NBEAL1: variants seen among roughly 807,000 people sequenced by gnomAD.
NBEAL1 encodes neurobeachin-like protein 1.
NBEAL1 carries 273 observed loss-of-function variants against 351.3 expected under a neutral mutation model. The ratio of observed to expected loss-of-function variants is 0.78; its 90% CI spans 0.70 to 0.86. NBEAL1 has a LOEUF of 0.86. NBEAL1 is among the 40% of genes least tolerant of loss of function. The pLI, the probability that NBEAL1 is intolerant of heterozygous loss-of-function variation, is 0.00. For synonymous variants in NBEAL1, 1,050 were observed against 1,086.4 expected, an observed-to-expected ratio of 0.97 and a Z score of 0.66; for missense variants, 2,961 against 3,201.3, an observed-to-expected ratio of 0.92 and a Z score of 1.81.
chr2:203,179,884 C>T (rs1421275478), intron 42 of NBEAL1, among the ~76,000 whole-genome samples: 1 of 152,128 alleles, frequency 6.6e-6, no homozygotes, highest in Non-Finnish European at 1.5e-5. Flanking sequence ...AGCAGTTCTC[C>T]TGGCTCAGCC....
chr2:203,019,270 GTTATT>G (rs755131081), intron 2 of NBEAL1, among the ~76,000 whole-genome samples: 2 of 152,104 alleles, frequency 1.3e-5, no homozygotes, highest in African/African-American at 4.8e-5. Flanking sequence ...GCCTATATGT[GTTATT>G]TTATTAGGAT....
chr2:203,183,077 A>G (rs1296160138), intron 43 of NBEAL1: 1 of 349,380 alleles, frequency 2.9e-6, no homozygotes, highest in Non-Finnish European at 5.1e-6. Context: ...TAACAACTTA[A>G]TTCTTACTCT....
intron 36 of NBEAL1, among the ~76,000 whole-genome samples, chr2:203,163,732 AT>A (rs1475536658): frequency 6.6e-6 from 1 of 152,100 alleles, no homozygotes; most frequent in East Asian, 1.9e-4. Flanking sequence ...GTAGTTCATT[AT>A]TTTTTATTGA....
intron 47 of NBEAL1, among the ~76,000 whole-genome samples, chr2:203,195,757 AT>A (rs1481347133): frequency 6.6e-6 from 1 of 152,174 alleles, no homozygotes; most frequent in Non-Finnish European, 1.5e-5. Context: ...GTGGAAACAC[AT>A]TTTTTTGTCG....
chr2:203,030,072 A>G (rs1187395487), intron 2 of NBEAL1, among the ~76,000 whole-genome samples: 1 of 152,232 alleles, frequency 6.6e-6, no homozygotes, highest in Non-Finnish European at 1.5e-5. Flanking sequence ...TAGTAGCTTA[A>G]TAGTTACAGA....
At chr2:203,090,445 G>A (rs2062041604) in intron 10 of NBEAL1, among the ~76,000 whole-genome samples, 2 of 152,226 alleles carry the variant, frequency 1.3e-5, no homozygotes, top group South Asian at 4.1e-4. Flanking sequence ...AGAGCATCCA[G>A]TAGAAGTAGC....
intron 11 of NBEAL1, 146 bp from the exon 12 acceptor site, chr2:203,099,483 G>C (rs1045514725): frequency 1.8e-6 from 1 of 548,848 alleles, no homozygotes; most frequent in East Asian, 3.0e-5. Flanking sequence ...GCAGGTTATA[G>C]TGTTTCAGAA....
chr2:203,183,616 A>G (rs1448651610), intron 44 of NBEAL1, among the ~76,000 whole-genome samples: 1 of 152,200 alleles, frequency 6.6e-6, no homozygotes, highest in African/African-American at 2.4e-5. Flanking sequence ...ATAGCAAAAT[A>G]TTAAACATTT....
chr2:203,053,383 T>A (rs2061353341), intron 4 of NBEAL1, among the ~76,000 whole-genome samples: 1 of 152,176 alleles, frequency 6.6e-6, no homozygotes, highest in Non-Finnish European at 1.5e-5. Flanking sequence ...TGGTGAAGTG[T>A]CTATTTAGAT....
chr2:203,067,848 G>A (rs2061619623), intron 6 of NBEAL1, among the ~76,000 whole-genome samples: 1 of 152,270 alleles, frequency 6.6e-6, no homozygotes, highest in African/African-American at 2.4e-5. Context: ...CATGCAATTT[G>A]TATTGGCTTT....
chr2:203,109,340 T>C (rs759359415), intron 14 of NBEAL1, among the ~76,000 whole-genome samples: 2 of 151,926 alleles, frequency 1.3e-5, no homozygotes, highest in African/African-American at 4.8e-5. Context: ...GCCTGGGCAA[T>C]AGAGTAGATT....
intron 12 of NBEAL1, among the ~76,000 whole-genome samples, chr2:203,100,104 G>A (rs2062280647): frequency 6.6e-6 from 1 of 152,136 alleles, no homozygotes; most frequent in Non-Finnish European, 1.5e-5. Flanking sequence ...TTATGGCTGT[G>A]TAGTATTCCA....
chr2:203,173,187 C>T (rs944647012), intron 41 of NBEAL1, among the ~76,000 whole-genome samples: 4 of 152,026 alleles, frequency 2.6e-5, no homozygotes, highest in African/African-American at 7.2e-5. Context: ...AATAATCAAA[C>T]ATATTAAAGT....
Position 203,202,626 on chromosome 2 carries a change from T to C in NBEAL1, c.7412-61T>C, listed in dbSNP as rs2065431531. The C allele has an allele frequency of 6.5e-6, 6 of 922,032 alleles. No homozygotes were observed. In the Admixed American group the frequency reaches 7.0e-5, roughly 11 times the overall value. The allele number at this position is 922,032 out of a possible 1,614,324, so 57.1% of individuals were successfully genotyped here. ...TAGTTTGAACATTAACAAAAATTGC[T>C]CTTAAAGTTCTATTTTAGCAAAACG... On this transcript the variant is annotated intron_variant, in intron 50 of 55. Transcript: ENST00000683969.
At chr2:203,123,900 G>T (rs2062882359) in intron 19 of NBEAL1, among the ~76,000 whole-genome samples, 1 of 152,158 alleles carries the variant, frequency 6.6e-6, no homozygotes, top group Admixed American at 6.6e-5. Context: ...CAAGAGAAAG[G>T]CGTATTTTTA....
intron 33 of NBEAL1, among the ~76,000 whole-genome samples, chr2:203,146,457 C>G (rs1416674239): frequency 6.6e-6 from 1 of 152,008 alleles, no homozygotes; most frequent in Non-Finnish European, 1.5e-5. Flanking sequence ...CAGTATCTGT[C>G]AGGAACATAG....
rs562333897 is a variant in NBEAL1, at chr2:203,164,413, C to T, written c.5715-1736C>T. ...ATATAGGGAACTATCTTGGTAGATA[C>T]TCAGTTGGCTTTGTAATTGGGATTT... On this transcript the variant is annotated intron_variant, in intron 36 of 55. Coordinates refer to ENST00000683969, the MANE Select transcript of NBEAL1 (RefSeq NM_001378026.1). Among the ~76,000 whole-genome samples the T allele has an allele frequency of 6.6e-5, 10 of 151,938 alleles. 1 individual carries two copies. In the South Asian group the frequency reaches 2.1e-3, roughly 32 times the overall value.
chr2:203,128,169 C>T (rs893266067), intron 24 of NBEAL1, among the ~76,000 whole-genome samples: 1 of 151,678 alleles, frequency 6.6e-6, no homozygotes, highest in African/African-American at 2.4e-5. Flanking sequence ...ACTGCAACCT[C>T]CATCTCCCAG....
At chr2:203,215,853 A>C (rs1465653581) in intron 55 of NBEAL1, among the ~76,000 whole-genome samples, 1 of 152,028 alleles carries the variant, frequency 6.6e-6, no homozygotes, top group East Asian at 1.9e-4. Context: ...TCTACTAAAA[A>C]TACAAAAATT....
Sources: allele counts gnomAD v4.1 joint callset (sites outside exome capture counted in the v4.1 genomes callset), GRCh38; gene constraint gnomAD v4.1.1; transcripts MANE v1.5; gene names NCBI Gene and HGNC (gene_info 2026-07-23, HGNC 2026-07-21).